RTL4: variants seen among roughly 807,000 people sequenced by gnomAD.
The protein encoded by RTL4 is retrotransposon Gag like 4, also known as retrotransposon Gag-like protein 4.
RTL4 carries 4 observed loss-of-function variants against 5.3 expected under a neutral mutation model. That is an observed-to-expected ratio of 0.75 (90% CI 0.37 to 1.72). The LOEUF is 1.72. Ranked by LOEUF, RTL4 falls within the 40% of genes most tolerant of loss-of-function variation. RTL4 has a pLI of 0.04. For synonymous variants in RTL4, 98 were observed against 87.3 expected, an observed-to-expected ratio of 1.12 and a Z score of -0.68; for missense variants, 260 against 227.1, an observed-to-expected ratio of 1.14 and a Z score of -0.93.
chrX:112,340,768 G>A, the RTL4 span, among the ~76,000 whole-genome samples: 5 of 110,510 alleles, frequency 4.5e-5, no homozygotes, highest in East Asian at 2.8e-4. Context: ...CCAGGCTGGC[G>A]TGCAGTGGTG....
the RTL4 span, among the ~76,000 whole-genome samples, chrX:112,323,728 G>A: frequency 1.5e-4 from 17 of 111,008 alleles, no homozygotes; most frequent in Non-Finnish European, 3.0e-4. Flanking sequence ...GGGCTCAAGC[G>A]ATCTATCTGT....
At chrX:112,343,760 T>C in the RTL4 span, among the ~76,000 whole-genome samples, 1 of 111,900 alleles carries the variant, frequency 8.9e-6, no homozygotes, top group Non-Finnish European at 1.9e-5. Context: ...GGAATATTAG[T>C]TTGGAAAACA....
the RTL4 span, among the ~76,000 whole-genome samples, chrX:112,256,649 C>T: frequency 8.9e-6 from 1 of 111,994 alleles, no homozygotes; most frequent in East Asian, 2.8e-4. Flanking sequence ...GAATATACCA[C>T]ATGAACACTT....
At chrX:112,109,009 ATC>A in the RTL4 span, among the ~76,000 whole-genome samples, 1 of 110,036 alleles carries the variant, frequency 9.1e-6, no homozygotes, top group Admixed American at 9.6e-5. Context: ...AGCAGATGGT[ATC>A]TCTCTTCAGG....
chrX:112,189,615 T>A, the RTL4 span, among the ~76,000 whole-genome samples: 1 of 110,545 alleles, frequency 9.0e-6, no homozygotes, highest in Non-Finnish European at 1.9e-5. Context: ...ATACAAAAAA[T>A]TAGCCAGGCG....
the RTL4 span, among the ~76,000 whole-genome samples, chrX:112,281,577 A>G: frequency 9.0e-6 from 1 of 111,408 alleles, no homozygotes; most frequent in African/African-American, 3.3e-5. Flanking sequence ...CAGTTTTCCA[A>G]AATGACTCTA....
the RTL4 span, among the ~76,000 whole-genome samples, chrX:112,398,906 C>T: frequency 1.1e-4 from 12 of 111,638 alleles, no homozygotes; most frequent in African/African-American, 1.3e-4. Flanking sequence ...TTAAATATTT[C>T]GTAGAATTTC....
At chrX:112,275,770 T>TA in the RTL4 span, among the ~76,000 whole-genome samples, 510 of 109,501 alleles carry the variant, frequency 4.7e-3, 3 homozygotes, top group African/African-American at 0.016. Context: ...CCTTTCTGTA[T>TA]AAAAAAAAAT....
At chrX:112,099,733 G>T in the RTL4 span, among the ~76,000 whole-genome samples, 1 of 111,247 alleles carries the variant, frequency 9.0e-6, no homozygotes, top group African/African-American at 3.3e-5. Context: ...AAATATGTTT[G>T]GTTTTATTTT....
chrX:112,345,834 G>T, the RTL4 span, among the ~76,000 whole-genome samples: 1 of 111,437 alleles, frequency 9.0e-6, no homozygotes, highest in African/African-American at 3.3e-5. Context: ...GTCTGTTTTT[G>T]CTTGTCTTAT....
chrX:112,303,373 T>C, the RTL4 span, among the ~76,000 whole-genome samples: 2 of 109,618 alleles, frequency 1.8e-5, no homozygotes, highest in Non-Finnish European at 3.8e-5. Context: ...TAATAATGAT[T>C]AGGAAAATTG....
At chrX:112,348,227 C>A in the RTL4 span, among the ~76,000 whole-genome samples, 1 of 109,677 alleles carries the variant, frequency 9.1e-6, no homozygotes, top group Admixed American at 9.8e-5. Context: ...CATGGCGTCA[C>A]AATTAGTTCA....
the RTL4 span, among the ~76,000 whole-genome samples, chrX:112,322,778 C>T: frequency 2.7e-5 from 3 of 111,345 alleles, no homozygotes; most frequent in Admixed American, 9.6e-5. Flanking sequence ...TATTTTTTAA[C>T]GGGGTTGTAC....
the RTL4 span, among the ~76,000 whole-genome samples, chrX:112,157,064 T>TTGTGTGTGTGTGTG: frequency 2.1e-5 from 2 of 96,583 alleles, no homozygotes; most frequent in African/African-American, 7.6e-5. Flanking sequence ...GTTATACTGT[T>TTGTGTGTGTGTGTG]TGTGTGTGTG....
At chrX:112,246,685 G>A in the RTL4 span, among the ~76,000 whole-genome samples, 1 of 111,490 alleles carries the variant, frequency 9.0e-6, no homozygotes, top group African/African-American at 3.3e-5. Context: ...CGGGTGAGGC[G>A]ATGCCCCACC....
the RTL4 span, among the ~76,000 whole-genome samples, chrX:112,218,918 G>A: frequency 5.0e-3 from 555 of 111,968 alleles, 3 homozygotes; most frequent in African/African-American, 0.017. Flanking sequence ...ATCAATAAGT[G>A]AGAAAAGAAA....
chrX:112,127,962 A>T, the RTL4 span, among the ~76,000 whole-genome samples: 3 of 112,064 alleles, frequency 2.7e-5, no homozygotes, highest in African/African-American at 9.7e-5. Context: ...GGATTAGAAG[A>T]TTTAATATCA....
At chrX:112,351,029 C>T in the RTL4 span, among the ~76,000 whole-genome samples, 2 of 111,477 alleles carry the variant, frequency 1.8e-5, no homozygotes, top group African/African-American at 3.3e-5. Context: ...CCTCTACACA[C>T]TGCTTTGAAT....
the RTL4 span, among the ~76,000 whole-genome samples, chrX:112,289,625 G>A: frequency 9.0e-6 from 1 of 111,475 alleles, no homozygotes; most frequent in African/African-American, 3.3e-5. Flanking sequence ...TATGTCACCT[G>A]GTTGTTGTGT....
Sources: allele counts gnomAD v4.1 joint callset (sites outside exome capture counted in the v4.1 genomes callset), GRCh38; gene constraint gnomAD v4.1.1; transcripts MANE v1.5; gene names NCBI Gene and HGNC (gene_info 2026-07-23, HGNC 2026-07-21).